RAB28: variants seen among roughly 807,000 people sequenced by gnomAD.
The protein encoded by RAB28 is RAB28, member RAS oncogene family.
Under a neutral mutation model 31.7 loss-of-function variants are expected in RAB28, and 24 were observed. The ratio of observed to expected loss-of-function variants is 0.76; its 90% CI spans 0.55 to 1.06. The LOEUF (loss-of-function observed/expected upper bound fraction) is 1.06. Among genes scored for constraint, RAB28 ranks in the 50% least tolerant of loss-of-function variants. The pLI, the probability that RAB28 is intolerant of heterozygous loss-of-function variation, is 0.00. For synonymous variants in RAB28, 100 were observed against 90.4 expected, an observed-to-expected ratio of 1.11 and a Z score of -0.60; for missense variants, 254 against 258.5, an observed-to-expected ratio of 0.98 and a Z score of 0.12.
At chr4:13,468,628 T>G (rs1477198338) in intron 3 of RAB28, among the ~76,000 whole-genome samples, 1 of 150,758 alleles carries the variant, frequency 6.6e-6, no homozygotes, top group Non-Finnish European at 1.5e-5. Context: ...AGCAAAAAAA[T>G]CAATAATCTA....
chr4:13,429,090 G>A (rs1334611626), intron 4 of RAB28, among the ~76,000 whole-genome samples: 5 of 151,794 alleles, frequency 3.3e-5, no homozygotes, highest in Admixed American at 6.6e-5. Context: ...GATTACAGGC[G>A]TCTGCCACTA....
At chr4:13,480,283 A>T (rs1716550509) in intron 1 of RAB28, among the ~76,000 whole-genome samples, 1 of 151,812 alleles carries the variant, frequency 6.6e-6, no homozygotes, top group African/African-American at 2.4e-5. Context: ...TCAAAGCAAA[A>T]GAATAATTAT....
chr4:13,404,239 G>A (rs940737619), intron 4 of RAB28, among the ~76,000 whole-genome samples: 5 of 152,074 alleles, frequency 3.3e-5, no homozygotes, highest in African/African-American at 7.2e-5. Context: ...TTAGCCAGGC[G>A]GGGTGGCGCA....
intron 4 of RAB28, among the ~76,000 whole-genome samples, chr4:13,428,948 T>C (rs1276992226): frequency 2.0e-5 from 3 of 150,180 alleles, no homozygotes; most frequent in Non-Finnish European, 4.5e-5. Flanking sequence ...ATTTCACTTT[T>C]TTTTTTTTTT....
intron 2 of RAB28, among the ~76,000 whole-genome samples, chr4:13,477,749 AT>A (rs1228216598): frequency 5.3e-5 from 8 of 151,382 alleles, no homozygotes; most frequent in Admixed American, 1.3e-4. Flanking sequence ...CCCTAATGTC[AT>A]TTTTTAACCT....
At chr4:13,413,221 T>C (rs553721548) in intron 4 of RAB28, among the ~76,000 whole-genome samples, 1 of 152,308 alleles carries the variant, frequency 6.6e-6, no homozygotes, top group African/African-American at 2.4e-5. Flanking sequence ...TCAATGTATC[T>C]TATCTTGAAA....
intron 6 of RAB28, among the ~76,000 whole-genome samples, chr4:13,368,995 C>A (rs919969913): frequency 9.9e-5 from 15 of 152,060 alleles, no homozygotes; most frequent in African/African-American, 3.6e-4. Context: ...TATTTTAAAT[C>A]ATAGAAAAGA....
chr4:13,416,231 A>G (rs1016366032), intron 4 of RAB28, among the ~76,000 whole-genome samples: 2 of 152,244 alleles, frequency 1.3e-5, no homozygotes, highest in East Asian at 3.9e-4. Context: ...TCTTTGCAAT[A>G]AATCTTGCTG....
chr4:13,438,022 G>A (rs1714217419), intron 4 of RAB28, among the ~76,000 whole-genome samples: 1 of 152,066 alleles, frequency 6.6e-6, no homozygotes. Context: ...CCATAAAAAA[G>A]AATAAAGTCT....
rs146352456 is a variant in RAB28 at position 13,425,182 on chromosome 4, C to T, written c.391+35517G>A. Reference sequence around the variant, plus strand: ...TCTTCATCTGGATTCCAGAGTTACACACTCAGTATCAAAGATTTTTGATAC... The same window carrying T: ...TCTTCATCTGGATTCCAGAGTTACATACTCAGTATCAAAGATTTTTGATAC... On this transcript the variant is annotated intron_variant, in intron 4 of 6. Transcript: ENST00000330852. Among the ~76,000 whole-genome samples, 537 of 152,254 alleles carry T rather than the reference C, an allele frequency of 3.5e-3. 5 individuals are homozygous for T. The highest frequency in any genetic ancestry group is 0.012 in the African/African-American group (497 of 41,556).
intron 4 of RAB28, among the ~76,000 whole-genome samples, chr4:13,440,330 G>C (rs1033619200): frequency 2.0e-5 from 3 of 151,912 alleles, no homozygotes; most frequent in Admixed American, 2.0e-4. Flanking sequence ...GCATCCATTA[G>C]AAGTATGAGG....
chr4:13,452,400 A>C (rs997121339), intron 4 of RAB28, among the ~76,000 whole-genome samples: 5 of 151,868 alleles, frequency 3.3e-5, no homozygotes, highest in Non-Finnish European at 7.4e-5. Flanking sequence ...TGATGCAGGC[A>C]TTTATTGATA....
intron 4 of RAB28, among the ~76,000 whole-genome samples, chr4:13,396,181 A>T (rs1349388870): frequency 6.6e-6 from 1 of 152,092 alleles, no homozygotes; most frequent in Non-Finnish European, 1.5e-5. Flanking sequence ...AAGAAGTAAA[A>T]GCAAAATATA....
intron 4 of RAB28, among the ~76,000 whole-genome samples, chr4:13,401,968 T>C (rs1711790425): frequency 6.6e-6 from 1 of 152,232 alleles, no homozygotes; most frequent in African/African-American, 2.4e-5. Flanking sequence ...AAATGTAGTC[T>C]TTTTATTTTT....
intron 4 of RAB28, among the ~76,000 whole-genome samples, chr4:13,454,903 G>A (rs559108949): frequency 4.0e-4 from 61 of 152,326 alleles, no homozygotes; most frequent in Admixed American, 9.1e-4. Flanking sequence ...AGCCCACAGG[G>A]CTATTTCTCA....
intron 2 of RAB28, among the ~76,000 whole-genome samples, chr4:13,476,915 C>CT (rs1444005828): frequency 6.6e-6 from 1 of 151,370 alleles, no homozygotes; most frequent in Non-Finnish European, 1.5e-5. Context: ...AGGTAAGTTG[C>CT]TTTTGGTATG....
chr4:13,435,939 T>C (rs537009740), intron 4 of RAB28, among the ~76,000 whole-genome samples: 1 of 152,054 alleles, frequency 6.6e-6, no homozygotes, highest in South Asian at 2.1e-4. Flanking sequence ...CAGGCCAATA[T>C]GAACATAGAA....
chr4:13,369,220 A>G (rs1008876641), intron 6 of RAB28, among the ~76,000 whole-genome samples: 6 of 152,108 alleles, frequency 3.9e-5, no homozygotes, highest in African/African-American at 1.4e-4. Context: ...CAAAATCCCT[A>G]TTTCCAAATG....
intron 4 of RAB28, among the ~76,000 whole-genome samples, chr4:13,435,597 G>T (rs543081996): frequency 6.6e-6 from 1 of 152,106 alleles, no homozygotes; most frequent in South Asian, 2.1e-4. Flanking sequence ...CTGCAAACAC[G>T]TCCATGTGCA....
Sources: allele counts gnomAD v4.1 joint callset (sites outside exome capture counted in the v4.1 genomes callset), GRCh38; gene constraint gnomAD v4.1.1; transcripts MANE v1.5; gene names NCBI Gene and HGNC (gene_info 2026-07-23, HGNC 2026-07-21).